Variants in CLIC5 observed in about 807,000 individuals in gnomAD.
The protein encoded by CLIC5 is CLIC family member 5, also known as chloride intracellular channel protein 5.
A neutral mutation model predicts 24.7 loss-of-function variants in CLIC5; 20 were observed. That is an observed-to-expected ratio of 0.81 (90% confidence interval 0.57 to 1.18). CLIC5 has a LOEUF of 1.18. Among genes scored for constraint, CLIC5 ranks in the 50% most tolerant of loss-of-function variants. The probability of loss-of-function intolerance (pLI) is 0.00; values close to 1 mark genes in which losing one functional copy is unlikely to be tolerated. For synonymous variants in CLIC5, 159 were observed against 135.6 expected (o/e 1.17, Z -1.20); for missense variants, 341 against 326.1 (o/e 1.05, Z -0.35).
intron 1 of CLIC5, among the ~76,000 whole-genome samples, chr6:46,005,248 T>A (rs1392063422): frequency 6.6e-6 from 1 of 152,238 alleles, no homozygotes; most frequent in East Asian, 1.9e-4. Flanking sequence ...CCCTTTTGTG[T>A]TATTTCTCCA....
chr6:46,006,958 C>A (rs1314017979), intron 1 of CLIC5, among the ~76,000 whole-genome samples: 1 of 152,160 alleles, frequency 6.6e-6, no homozygotes, highest in African/African-American at 2.4e-5. Flanking sequence ...AGTCATGAGC[C>A]ACCATGCCCA....
intron 1 of CLIC5, among the ~76,000 whole-genome samples, chr6:46,042,941 C>T (rs1414508307): frequency 6.6e-6 from 1 of 152,146 alleles, no homozygotes; most frequent in Non-Finnish European, 1.5e-5. Context: ...GTGGGAGGGC[C>T]AAGGCACATG....
At chr6:45,950,385 A>AC (rs1764430793) in intron 2 of CLIC5, among the ~76,000 whole-genome samples, 1 of 142,874 alleles carries the variant, frequency 7.0e-6, no homozygotes, top group South Asian at 2.3e-4. Context: ...ACATAGCAAG[A>AC]CCCCCATCTT....
intron 4 of CLIC5, among the ~76,000 whole-genome samples, chr6:45,921,828 T>C (rs1176545857): frequency 6.6e-6 from 1 of 152,186 alleles, no homozygotes; most frequent in Non-Finnish European, 1.5e-5. Context: ...CACATTTTCT[T>C]AGTTTGACAG....
At chr6:46,019,902 A>G (rs1767128504), upstream of CLIC5, among the ~76,000 whole-genome samples, 1 of 151,964 alleles carries the variant, frequency 6.6e-6, no homozygotes, top group African/African-American at 2.4e-5. Flanking sequence ...ATACTTAATA[A>G]CAGAGCTTCA....
intron 1 of CLIC5, among the ~76,000 whole-genome samples, chr6:46,003,713 G>A (rs542561390): frequency 6.6e-6 from 1 of 152,284 alleles, no homozygotes; most frequent in South Asian, 2.1e-4. Context: ...ACCAGACTGG[G>A]CACAAGAATC....
intron 1 of CLIC5, among the ~76,000 whole-genome samples, chr6:46,028,797 T>G (rs559190853): frequency 2.6e-5 from 4 of 152,228 alleles, no homozygotes; most frequent in Non-Finnish European, 4.4e-5. Context: ...CAAACCTACA[T>G]AGGCACATCA....
intron 1 of CLIC5, among the ~76,000 whole-genome samples, chr6:45,999,155 T>C (rs1766258712): frequency 6.6e-6 from 1 of 152,200 alleles, no homozygotes; most frequent in African/African-American, 2.4e-5. Flanking sequence ...CTTTTAGAGC[T>C]GAAAGGGACC....
intron 1 of CLIC5, among the ~76,000 whole-genome samples, chr6:46,038,324 C>T (rs1767719210): frequency 1.3e-5 from 2 of 152,208 alleles, no homozygotes; most frequent in African/African-American, 4.8e-5. Flanking sequence ...GACTGAATGG[C>T]CCTGCCTTTC....
At chr6:45,934,388 A>G (rs1763856267) in intron 4 of CLIC5, 1 of 151,962 alleles carries the variant, frequency 6.6e-6, no homozygotes, top group Non-Finnish European at 1.5e-5. Flanking sequence ...AAGACAGAGG[A>G]ATACAGAGGT....
At chr6:46,071,636 G>GA (rs1204597256) in intron 1 of CLIC5, among the ~76,000 whole-genome samples, 5 of 152,090 alleles carry the variant, frequency 3.3e-5, no homozygotes, top group Non-Finnish European at 4.4e-5. Context: ...CTGTTGATTA[G>GA]AGTGTAAGTT....
chr6:46,002,007 AC>A (rs1401090638), intron 1 of CLIC5, among the ~76,000 whole-genome samples: 3 of 150,656 alleles, frequency 2.0e-5, no homozygotes, highest in Admixed American at 2.0e-4. Context: ...GACCACCCCC[AC>A]CCCCCACACC....
rs147073778 is a variant in CLIC5, at chr6:45,901,036, C to T, written c.*2052G>A. On this transcript the variant is annotated 3_prime_UTR_variant, in exon 6 of 6. Coordinates refer to ENST00000339561, the MANE Select transcript of CLIC5 (RefSeq NM_016929.5). ...TGTGGGTCTCAGGGAAGTAAACTGC[C>T]TCTTAGGTCATCCTGCCTGTGCTGT... The T allele has an allele frequency of 1.1e-3, 165 of 152,280 alleles. 1 individual carries two copies. Among genetic ancestry groups the T allele is most frequent in the African/African-American group, 3.8e-3 (158 of 41,544 alleles). 9.4% of individuals were successfully genotyped at this position (152,280 alleles called of 1,614,324 possible). A position where few individuals can be genotyped will look rare whatever the true frequency, so the allele number is the denominator to read the frequency against.
chr6:46,090,897 A>C, the CLIC5 span, among the ~76,000 whole-genome samples: 1 of 152,198 alleles, frequency 6.6e-6, no homozygotes, highest in Admixed American at 6.5e-5. Flanking sequence ...AACAATCAGC[A>C]AGTTTTGGCC....
chr6:45,969,107 G>C (rs1765109512), intron 1 of CLIC5, among the ~76,000 whole-genome samples: 1 of 152,174 alleles, frequency 6.6e-6, no homozygotes, highest in Admixed American at 6.5e-5. Context: ...GCTGAGTAGA[G>C]ACTCCACAAG....
chr6:45,961,801 C>T (rs1458649322), intron 1 of CLIC5, among the ~76,000 whole-genome samples: 2 of 152,086 alleles, frequency 1.3e-5, no homozygotes, highest in Non-Finnish European at 2.9e-5. Context: ...TCAGAAGCCA[C>T]AAAAGGCCTA....
At chr6:46,033,359 A>T (rs1010301863) in intron 1 of CLIC5, among the ~76,000 whole-genome samples, 1 of 151,978 alleles carries the variant, frequency 6.6e-6, no homozygotes, top group Non-Finnish European at 1.5e-5. Context: ...AAGAAAACAT[A>T]TGTATTTGTA....
intron 1 of CLIC5, among the ~76,000 whole-genome samples, chr6:46,004,155 T>C (rs1766458627): frequency 6.6e-6 from 1 of 152,200 alleles, no homozygotes; most frequent in Non-Finnish European, 1.5e-5. Flanking sequence ...AGGAGAAGGT[T>C]CTTCTTTAGG....
At chr6:45,970,610 G>C (rs867115966) in intron 1 of CLIC5, among the ~76,000 whole-genome samples, 2 of 152,188 alleles carry the variant, frequency 1.3e-5, no homozygotes, top group Non-Finnish European at 2.9e-5. Context: ...GCCACAACCT[G>C]AGATGAAGGA....
Sources: allele counts gnomAD v4.1 joint callset (sites outside exome capture counted in the v4.1 genomes callset), GRCh38; gene constraint gnomAD v4.1.1; transcripts MANE v1.5; gene names NCBI Gene and HGNC (gene_info 2026-07-23, HGNC 2026-07-21).